Variants in CCDC175 observed in about 807,000 individuals in gnomAD.
The protein encoded by CCDC175 is coiled-coil domain-containing protein 175.
A neutral mutation model predicts 114.6 loss-of-function variants in CCDC175; 100 were observed. That is an observed-to-expected ratio of 0.87 (90% CI 0.74 to 1.03). The LOEUF (loss-of-function observed/expected upper bound fraction) is 1.03. Ranked by LOEUF, CCDC175 falls within the 50% of genes least tolerant of loss-of-function variation. CCDC175 has a pLI of 0.00. For synonymous variants in CCDC175, 306 were observed against 308.7 expected (o/e 0.99, Z 0.09); for missense variants, 880 against 917.8 (o/e 0.96, Z 0.53).
At chr14:59,543,676 T>TAA (rs1894928154) in intron 9 of CCDC175, among the ~76,000 whole-genome samples, 1 of 152,234 alleles carries the variant, frequency 6.6e-6, no homozygotes, top group Non-Finnish European at 1.5e-5. Context: ...TGTACTTTTG[T>TAA]AGAGATGGGG....
chr14:59,547,833 A>G (rs1263560090), intron 8 of CCDC175, among the ~76,000 whole-genome samples: 2 of 152,240 alleles, frequency 1.3e-5, no homozygotes, highest in Non-Finnish European at 2.9e-5. Flanking sequence ...ATTAAAATTA[A>G]TAAATTATAT....
intron 17 of CCDC175, among the ~76,000 whole-genome samples, chr14:59,520,434 C>G (rs1893360085): frequency 6.6e-6 from 1 of 152,028 alleles, no homozygotes; most frequent in African/African-American, 2.4e-5. Flanking sequence ...ATACACTAAC[C>G]ATATATATTT....
intron 6 of CCDC175, among the ~76,000 whole-genome samples, chr14:59,562,785 T>A (rs1017215588): frequency 4.6e-5 from 7 of 152,232 alleles, no homozygotes; most frequent in Non-Finnish European, 1.0e-4. Flanking sequence ...AGCGTGGGCA[T>A]GCAGATAGAA....
intron 7 of CCDC175, among the ~76,000 whole-genome samples, chr14:59,553,016 A>G (rs898467583): frequency 3.3e-5 from 5 of 152,244 alleles, no homozygotes; most frequent in Non-Finnish European, 1.5e-5. Context: ...GACAGGGAGA[A>G]TGGAACCAAG....
At chr14:59,538,904 A>C in intron 11 of CCDC175, 64 bp from the exon 12 acceptor site, 1 of 1,441,062 alleles carries the variant, frequency 6.9e-7, no homozygotes, top group Non-Finnish European at 9.2e-7. Context: ...AAAGATGAAG[A>C]AATTCAAAGC....
intron 11 of CCDC175, among the ~76,000 whole-genome samples, chr14:59,540,333 G>A (rs1181930403): frequency 1.3e-5 from 2 of 152,078 alleles, no homozygotes; most frequent in African/African-American, 4.8e-5. Flanking sequence ...TGCAGAGCCA[G>A]TAGCCTTCAC....
At chr14:59,510,539 A>G (rs755735490) in intron 19 of CCDC175, 107 bp downstream of exon 19, 4 of 1,067,752 alleles carry the variant, frequency 3.7e-6, no homozygotes, top group Non-Finnish European at 5.6e-6. Context: ...ATAATTGGGG[A>G]TAACTAAGTC....
intron 11 of CCDC175, among the ~76,000 whole-genome samples, chr14:59,539,204 T>G (rs894290877): frequency 4.6e-5 from 7 of 152,226 alleles, no homozygotes; most frequent in African/African-American, 1.7e-4. Flanking sequence ...GATGTGCTAC[T>G]GATAGATTTC....
intron 14 of CCDC175, among the ~76,000 whole-genome samples, chr14:59,530,348 C>T (rs1893993245): frequency 6.7e-6 from 1 of 149,374 alleles, no homozygotes; most frequent in African/African-American, 2.5e-5. Flanking sequence ...GCCTGGACAA[C>T]AGAGTGAGAC....
rs188489994 is a variant in CCDC175 at position 59,551,914 on chromosome 14, C to A, written c.954-478G>T. Among the ~76,000 whole-genome samples, 6 of 152,336 alleles carry A rather than the reference C, an allele frequency of 3.9e-5. No homozygotes were observed. The East Asian group carries it at 9.6e-4, about 24-fold the overall frequency. On this transcript the variant is annotated intron_variant, in intron 7 of 19. Coordinates refer to ENST00000537690, the MANE Select transcript of CCDC175 (RefSeq NM_001164399.2). ...ATCCAACTGCAAGGCAGCAGCGAGG[C>A]TGGGGGAGGGGCGCCCGCCATTGCC...
At chr14:59,538,541 A>T (rs1453633587) in intron 12 of CCDC175, among the ~76,000 whole-genome samples, 164 bp downstream of exon 12, 1 of 152,244 alleles carries the variant, frequency 6.6e-6, no homozygotes. Context: ...GTTAATATAC[A>T]GCAAGTGAAT....
At chr14:59,537,698 C>G (rs1212373820) in intron 13 of CCDC175, among the ~76,000 whole-genome samples, 1 of 152,144 alleles carries the variant, frequency 6.6e-6, no homozygotes. Flanking sequence ...ACATCTGAGA[C>G]TGACTTTACT....
intron 16 of CCDC175, among the ~76,000 whole-genome samples, chr14:59,522,410 G>A (rs1893474079): frequency 6.6e-6 from 1 of 152,154 alleles, no homozygotes; most frequent in Non-Finnish European, 1.5e-5. Flanking sequence ...TATCTTTGAT[G>A]TTGTGTCAGC....
At chr14:59,523,945 T>C (rs187025700) in intron 16 of CCDC175, among the ~76,000 whole-genome samples, 1,613 of 149,874 alleles carry the variant, frequency 0.011, 20 homozygotes, top group South Asian at 0.02. Context: ...GCCGAGATCG[T>C]GCCACTGCAC....
At chr14:59,516,053 G>A (rs1893062480) in intron 17 of CCDC175, among the ~76,000 whole-genome samples, 1 of 152,166 alleles carries the variant, frequency 6.6e-6, no homozygotes, top group Non-Finnish European at 1.5e-5. Context: ...TGAACAACCT[G>A]CTCCTGAATG....
chr14:59,569,999 G>A (rs1896758092), intron 3 of CCDC175, among the ~76,000 whole-genome samples: 1 of 152,210 alleles, frequency 6.6e-6, no homozygotes. Context: ...AGATCGTAAA[G>A]AAGTTCATGA....
chr14:59,563,353 T>C (rs1423215767), intron 6 of CCDC175, among the ~76,000 whole-genome samples: 1 of 152,210 alleles, frequency 6.6e-6, no homozygotes, highest in African/African-American at 2.4e-5. Context: ...GAGCCTAAAC[T>C]CTGTTCTATT....
At chr14:59,530,082 G>C (rs1893973836) in intron 14 of CCDC175, among the ~76,000 whole-genome samples, 1 of 152,068 alleles carries the variant, frequency 6.6e-6, no homozygotes. Context: ...GTAGAAAATT[G>C]GGACTAGGCT....
At chr14:59,516,816 T>G (rs1161787834) in intron 17 of CCDC175, among the ~76,000 whole-genome samples, 1 of 152,192 alleles carries the variant, frequency 6.6e-6, no homozygotes, top group Non-Finnish European at 1.5e-5. Context: ...CTAACTCATT[T>G]TATGAGGCCA....
Sources: allele counts gnomAD v4.1 joint callset (sites outside exome capture counted in the v4.1 genomes callset), GRCh38; gene constraint gnomAD v4.1.1; transcripts MANE v1.5; gene names NCBI Gene and HGNC (gene_info 2026-07-23, HGNC 2026-07-21).